Variants in DENND1A observed in about 807,000 individuals in gnomAD.
DENND1A encodes the protein DENN domain containing 1A.
DENND1A carries 51 observed loss-of-function variants against 113.7 expected under a neutral mutation model. The ratio of observed to expected loss-of-function variants is 0.45; its 90% CI spans 0.36 to 0.57. DENND1A has a LOEUF of 0.57. DENND1A is among the 20% of genes least tolerant of loss of function. DENND1A has a pLI of 0.00. For synonymous variants in DENND1A, 565 were observed against 570.8 expected, an observed-to-expected ratio of 0.99 and a Z score of 0.14; for missense variants, 1,258 against 1,395.9, an observed-to-expected ratio of 0.90 and a Z score of 1.57.
intron 5 of DENND1A, among the ~76,000 whole-genome samples, chr9:123,702,954 A>T (rs2065968298): frequency 6.6e-6 from 1 of 152,240 alleles, no homozygotes; most frequent in African/African-American, 2.4e-5. Flanking sequence ...ATAGGTTAAA[A>T]GACAAAACTA....
intron 13 of DENND1A, among the ~76,000 whole-genome samples, chr9:123,503,039 C>G (rs1258855415): frequency 6.6e-6 from 1 of 152,170 alleles, no homozygotes; most frequent in Admixed American, 6.5e-5. Context: ...GATAATACCA[C>G]TCACCTCTTA....
intron 3 of DENND1A, among the ~76,000 whole-genome samples, chr9:123,772,375 A>G (rs568196757): frequency 3.2e-4 from 48 of 152,334 alleles, no homozygotes; most frequent in African/African-American, 1.1e-3. Context: ...TTCAATATTA[A>G]CTTTATTGGG....
At chr9:123,521,871 G>A (rs2054422670) in intron 13 of DENND1A, among the ~76,000 whole-genome samples, 1 of 152,128 alleles carries the variant, frequency 6.6e-6, no homozygotes, top group Admixed American at 6.5e-5. Context: ...GACCTATCCC[G>A]ACCCACTGCC....
At chr9:123,617,630 C>G (rs1169831637) in intron 10 of DENND1A, among the ~76,000 whole-genome samples, 1 of 152,196 alleles carries the variant, frequency 6.6e-6, no homozygotes, top group Non-Finnish European at 1.5e-5. Context: ...TTTGAGCCTC[C>G]TTGGCCTACC....
chr9:123,583,318 A>G, intron 11 of DENND1A, 48 bp from the exon 12 acceptor site: 1 of 1,393,194 alleles, frequency 7.2e-7, no homozygotes, highest in Non-Finnish European at 1.0e-6. Context: ...AGGTGCCATC[A>G]AGACACACTT....
chr9:123,734,604 G>C (rs376134610), intron 5 of DENND1A, among the ~76,000 whole-genome samples: 28 of 152,278 alleles, frequency 1.8e-4, no homozygotes, highest in African/African-American at 6.0e-4. Context: ...GAGTCAAACA[G>C]AGCTAGGTTC....
chr9:123,808,773 A>G (rs1295493398), intron 2 of DENND1A, among the ~76,000 whole-genome samples: 1 of 152,162 alleles, frequency 6.6e-6, no homozygotes, highest in East Asian at 1.9e-4. Flanking sequence ...AAGGTGAGAC[A>G]TCTTCAACTC....
At chr9:123,724,622 C>G (rs757070064) in intron 5 of DENND1A, among the ~76,000 whole-genome samples, 15 of 152,092 alleles carry the variant, frequency 9.9e-5, no homozygotes, top group Admixed American at 1.3e-4. Flanking sequence ...GACTTGAGGT[C>G]TGAGCATCAA....
chr9:123,609,506 A>G, intron 10 of DENND1A, 25 bp from the exon 11 acceptor site: 1 of 1,610,578 alleles, frequency 6.2e-7, no homozygotes, highest in Non-Finnish European at 8.5e-7. Context: ...AGAGACACAC[A>G]GCTGCTTTAA....
At chr9:123,821,047 G>A (rs1189979579) in intron 2 of DENND1A, among the ~76,000 whole-genome samples, 1 of 152,210 alleles carries the variant, frequency 6.6e-6, no homozygotes, top group East Asian at 1.9e-4. Flanking sequence ...TGTGAATACT[G>A]ACAAGCTAAA....
intron 5 of DENND1A, 102 bp downstream of exon 5, chr9:123,757,601 G>T: frequency 1.3e-6 from 2 of 1,519,626 alleles, no homozygotes; most frequent in Non-Finnish European, 1.8e-6. Context: ...GAAACAGATA[G>T]GAAAATGAAA....
At chr9:123,629,188 G>A (rs745854319) in intron 10 of DENND1A, among the ~76,000 whole-genome samples, 5 of 152,168 alleles carry the variant, frequency 3.3e-5, no homozygotes, top group Admixed American at 6.5e-5. Flanking sequence ...CAATCACTCC[G>A]AACCAGTGGT....
chr9:123,388,846 C>T (rs544883608), intron 21 of DENND1A, among the ~76,000 whole-genome samples: 28 of 152,326 alleles, frequency 1.8e-4, no homozygotes, highest in African/African-American at 6.7e-4. Context: ...TCTCTGTGCA[C>T]CCCACCAAGA....
chr9:123,523,967 C>A lies in DENND1A; in HGVS notation c.993+33603G>T, dbSNP rs191869716. On this transcript the variant is annotated intron_variant, in intron 13 of 23. Transcript: ENST00000394215. ...TCTAACAATTAAGGAAACAAGAGAGCAGGCCCTTTTGTGCCTGCTGAAACA... is the reference window on the plus strand; with the variant it reads ...TCTAACAATTAAGGAAACAAGAGAGAAGGCCCTTTTGTGCCTGCTGAAACA... Among the ~76,000 whole-genome samples, 420 of 152,310 alleles carry A rather than the reference C, an allele frequency of 2.8e-3. 2 individuals are homozygous for A. Among genetic ancestry groups the A allele is most frequent in the Non-Finnish European group, 2.0e-3 (133 of 68,030 alleles).
intron 13 of DENND1A, among the ~76,000 whole-genome samples, chr9:123,470,356 C>T (rs984906223): frequency 1.3e-4 from 20 of 152,366 alleles, no homozygotes; most frequent in South Asian, 4.1e-4. Context: ...GGCTCAACCA[C>T]GTGGCCAGCG....
rs1662413364 is a variant in DENND1A at position 123,709,248 on chromosome 9, TC to T, written c.303-32460del. Among the ~76,000 whole-genome samples, 3 of 152,290 alleles carry T rather than the reference TC, an allele frequency of 2.0e-5. No individual in the cohort carries two copies. In the South Asian group the frequency reaches 6.2e-4, roughly 32 times the overall value. On this transcript the variant is annotated intron_variant, in intron 5 of 23. Coordinates refer to ENST00000394215, the MANE Select transcript of DENND1A (RefSeq NM_001352964.2). ...CTCCTCTGTTCCCAGGACTTCTCTT[TC>T]CCAATCCTACTCCCGACCCAGGCCC... is the stretch of plus-strand genomic sequence containing the variant.
At chr9:123,558,460 GA>G (rs2057551523) in intron 12 of DENND1A, among the ~76,000 whole-genome samples, 1 of 152,204 alleles carries the variant, frequency 6.6e-6, no homozygotes, top group East Asian at 1.9e-4. Flanking sequence ...AATGGGCAAA[GA>G]AGCACGTAAT....
At chr9:123,644,399 AAAACCT>A (rs1211815432) in intron 9 of DENND1A, among the ~76,000 whole-genome samples, 8 of 148,234 alleles carry the variant, frequency 5.4e-5, no homozygotes, top group Non-Finnish European at 1.5e-5. Context: ...AAAAAAAAAA[AAAACCT>A]CTAAGTACTA....
In DENND1A at chr9:123,381,484, G is replaced by A. The variant is rs1169237981; in HGVS notation, c.3161C>T (p.Pro1054Leu). 30 of 1,613,520 alleles carry A rather than the reference G, an allele frequency of 1.9e-5. No homozygotes were observed. Among genetic ancestry groups the A allele is most frequent in the East Asian group, 6.7e-5 (3 of 44,876 alleles). Residue 1054 changes from proline to leucine, a missense_variant, in exon 24 of 24, where the codon CCG becomes CTG. Coordinates refer to ENST00000394215, the MANE Select transcript of DENND1A (RefSeq NM_001352964.2). The surrounding 1 kb of genome is among the most constrained non-coding windows in gnomAD (Gnocchi z 4.7). ...GAGCTGCTCCACCGAGTCTGGGGCCGGGGCCAGGGCCGGACTCGGGCTCAC... is the reference window on the plus strand; with the variant it reads ...GAGCTGCTCCACCGAGTCTGGGGCCAGGGCCAGGGCCGGACTCGGGCTCAC... ...QDVSPSPALA[P>L]APDSVEQLRK...
Sources: allele counts gnomAD v4.1 joint callset (sites outside exome capture counted in the v4.1 genomes callset), GRCh38; gene constraint gnomAD v4.1.1; non-coding constraint Gnocchi (gnomAD v3.1); transcripts MANE v1.5; gene names NCBI Gene and HGNC (gene_info 2026-07-23, HGNC 2026-07-21).